Variants in DNAH1 observed in about 807,000 individuals in gnomAD.
The protein encoded by DNAH1 is dynein axonemal heavy chain 1.
Under a neutral mutation model 484.3 loss-of-function variants are expected in DNAH1, and 327 were observed. The observed-to-expected ratio is 0.68, with a 90% CI of 0.62 to 0.74. DNAH1 has a LOEUF of 0.74. Ranked by LOEUF, DNAH1 falls within the 30% of genes least tolerant of loss-of-function variation. DNAH1 has a pLI of 0.00. For synonymous variants in DNAH1, 2,192 were observed against 2,191.9 expected (o/e 1.00, Z 0.00); for missense variants, 5,052 against 5,546.8 (o/e 0.91, Z 2.83).
rs1472250735 is a variant in DNAH1 at position 52,375,401 on chromosome 3, G to T, written c.7147G>T (p.Gly2383Cys). The T allele has an allele frequency of 3.1e-6, 5 of 1,613,092 alleles. No homozygotes were observed. The Admixed American group carries it at 5.0e-5, about 16-fold the overall frequency. ...SKKRIFSTIL[G>C]NWLDGLLGEK... ...GAAACGCATCTTCTCCACCATCCTGGGCAACTGGTTGGGTGAGTATTGGTG... is the reference window on the plus strand; with the variant it reads ...GAAACGCATCTTCTCCACCATCCTGTGCAACTGGTTGGGTGAGTATTGGTG... The change falls in exon 45 of 78, where the codon GGC (glycine) becomes TGC (cysteine). Residue 2383 changes from glycine to cysteine, a missense_variant. Transcript: ENST00000420323.
chr3:52,322,396 G>C lies in DNAH1; in HGVS notation c.-34-13G>C. On this transcript the variant is annotated splice_polypyrimidine_tract_variant and intron_variant, in intron 1 of 77. Coordinates refer to ENST00000420323, the MANE Select transcript of DNAH1 (RefSeq NM_015512.5). Reference sequence around the variant, plus strand: ...GCTGGCAAGGGCTGACTGACGCTGGGTTCTTCTCCTAGGAGCTTCGGCTGG... The same window carrying C: ...GCTGGCAAGGGCTGACTGACGCTGGCTTCTTCTCCTAGGAGCTTCGGCTGG... The C allele has an allele frequency of 1.3e-6, 2 of 1,562,690 alleles. No individual in the cohort carries two copies. The highest frequency in any genetic ancestry group is 1.2e-5 in the South Asian group (1 of 84,278).
At chr3:52,398,340 G>A (rs1415451830) in intron 75 of DNAH1, among the ~76,000 whole-genome samples, 178 bp downstream of exon 75, 3 of 152,128 alleles carry the variant, frequency 2.0e-5, no homozygotes, top group Admixed American at 6.5e-5. Context: ...GGAGTGCAGC[G>A]GTATGATCTC....
At position 52,361,891 on chromosome 3, in the gene DNAH1, G is replaced by C; in HGVS notation, c.4980+125G>C. On this transcript the variant is annotated intron_variant, in intron 30 of 77. Coordinates refer to ENST00000420323, the MANE Select transcript of DNAH1 (RefSeq NM_015512.5). The surrounding 1 kb of genome is among the most constrained non-coding windows in gnomAD (Gnocchi z 5.6). ...CCTGGGTCCAGCCTCTCTTGTCCCG[G>C]GGGCACACCCTAACCCCAGTCTGTG... is the stretch of plus-strand genomic sequence containing the variant. 1 of 1,036,530 alleles carries C rather than the reference G, an allele frequency of 9.6e-7. No individual in the cohort carries two copies. Among genetic ancestry groups the C allele is most frequent in the Non-Finnish European group, 1.4e-6 (1 of 711,864 alleles). 64.2% of individuals were successfully genotyped at this position (1,036,530 alleles called of 1,614,324 possible).
chr3:52,354,965 C>T lies in DNAH1; in HGVS notation c.3603C>T (p.Ile1201=), dbSNP rs758643444. The T allele has an allele frequency of 4.0e-5, 65 of 1,613,898 alleles. No individual in the cohort carries two copies. The highest frequency in any genetic ancestry group is 5.4e-5 in the Non-Finnish European group (64 of 1,179,896). ...CCTCACAGCTGCTGGACGACCACATCGTCATGACCCAGAATATGTCATTTT... is the reference window on the plus strand; with the variant it reads ...CCTCACAGCTGCTGGACGACCACATTGTCATGACCCAGAATATGTCATTTT... ...DEASQLLDDH[I]VMTQNMSFSP... The change falls in exon 21 of 78, where the codon ATC becomes ATT. Residue 1201 remains isoleucine (I), a synonymous_variant. Transcript: ENST00000420323.
intron 5 of DNAH1, 146 bp downstream of exon 5, chr3:52,327,037 C>T (rs1701371993): frequency 8.6e-7 from 1 of 1,167,156 alleles, no homozygotes; most frequent in Non-Finnish European, 1.2e-6. Flanking sequence ...AATAGGAACC[C>T]ATCCCAGGTA....
chr3:52,315,918 C>T (rs1234132641), upstream of DNAH1, among the ~76,000 whole-genome samples: 5 of 152,240 alleles, frequency 3.3e-5, no homozygotes, highest in East Asian at 9.6e-4. Context: ...TATCCACAGC[C>T]CGCCCTTGAA....
rs778202369 is a variant in DNAH1 at position 52,344,475 on chromosome 3, C to T, written c.1287-15C>T. Reference sequence around the variant, plus strand: ...TGGAGCCCCTGATTCCCCCATCTCCCATCTCTATGGGCAGGGTTCTAGAGC... The same window carrying T: ...TGGAGCCCCTGATTCCCCCATCTCCTATCTCTATGGGCAGGGTTCTAGAGC... On this transcript the variant is annotated splice_polypyrimidine_tract_variant and intron_variant, in intron 8 of 77. Coordinates refer to ENST00000420323, the MANE Select transcript of DNAH1 (RefSeq NM_015512.5). 16 of 1,610,374 alleles carry T rather than the reference C, an allele frequency of 9.9e-6. No individual in the cohort carries two copies. The East Asian group carries it at 1.6e-4, about 16-fold the overall frequency.
intron 21 of DNAH1, 117 bp from the exon 22 acceptor site, chr3:52,356,494 TTGG>T: frequency 1.0e-6 from 1 of 953,302 alleles, no homozygotes; most frequent in Non-Finnish European, 1.6e-6. Context: ...GACACTGGCT[TTGG>T]TGTCCAGTGC....
chr3:52,337,837 G>A (rs935052238), intron 8 of DNAH1, among the ~76,000 whole-genome samples: 4 of 152,044 alleles, frequency 2.6e-5, no homozygotes, highest in Non-Finnish European at 5.9e-5. Flanking sequence ...TGTCACCCAC[G>A]CCACAGTGCA....
chr3:52,370,274 C>A, intron 39 of DNAH1, 45 bp downstream of exon 39: 1 of 1,599,410 alleles, frequency 6.3e-7, no homozygotes, highest in African/African-American at 1.3e-5. Context: ...TCCCTCTCCC[C>A]ACACTGCTCT....
At chr3:52,385,001 G>A in intron 53 of DNAH1, 24 bp downstream of exon 53, 1 of 1,600,126 alleles carries the variant, frequency 6.2e-7, no homozygotes, top group Non-Finnish European at 8.5e-7. Flanking sequence ...AGTCCCCGTG[G>A]ACAAGGTCAG....
At position 52,355,727 on chromosome 3, in the gene DNAH1, T is replaced by C. The variant is rs1009529589; in HGVS notation, c.3693+672T>C. Among the ~76,000 whole-genome samples, 1 of 152,216 alleles carries C rather than the reference T, an allele frequency of 6.6e-6. No homozygotes were observed. On this transcript the variant is annotated intron_variant, in intron 21 of 77. Transcript: ENST00000420323. This position sits in a 1 kb window ranked among gnomAD's most constrained non-coding sequence, Gnocchi z 4.5. The stretch of plus-strand genomic sequence containing the variant: ...CAGAGATGCCTGAGCTGGTCAGCAC[T>C]ATCCCCAGTCCCCCTCTGCTCACGC...
In DNAH1 at chr3:52,392,533, C is replaced by T. The variant is rs1427447014; in HGVS notation, c.10122C>T (p.Asn3374=). Residue 3374 remains asparagine, a synonymous_variant, in exon 64 of 78, where the codon AAC becomes AAT. Transcript: ENST00000420323. ...EERPDLEEAK[N]QLIISNAKMR... ...GACCCGACCTGGAGGAGGCCAAGAA[C>T]CAGCTGATTATCAGTAATGCCAAGA... The T allele has an allele frequency of 1.2e-6, 2 of 1,613,960 alleles. No individual in the cohort carries two copies. Among genetic ancestry groups the T allele is most frequent in the Admixed American group, 1.7e-5 (1 of 60,018 alleles).
At position 52,395,028 on chromosome 3, in the gene DNAH1, C is replaced by A; in HGVS notation, c.10937C>A (p.Thr3646Asn). 6.2e-7 allele frequency: 1 copy of A among 1,610,890 alleles called. No homozygotes were observed. Among genetic ancestry groups the A allele is most frequent in the Non-Finnish European group, 8.5e-7 (1 of 1,178,636 alleles). ...VTNAMQDFVA[T>N]NLEPRFIEPQ... ...AACGCCATGCAGGACTTTGTGGCCA[C>A]CAACCTGGAGCCACGCTTCATTGAA... The change falls in exon 68 of 78, where the codon ACC becomes AAC. Residue 3646 changes from threonine to asparagine, a missense_variant. Thr to Asn is a moderately conservative substitution (Grantham distance 65, BLOSUM62 0). Around this residue, in one of 4 missense-constraint regions of DNAH1, gnomAD observed 853 missense variants for 899.0 expected, o/e 0.95. Transcript: ENST00000420323. This position sits in a 1 kb window ranked among gnomAD's most constrained non-coding sequence, Gnocchi z 4.4.
chr3:52,345,628 G>T lies in DNAH1; in HGVS notation c.1578G>T (p.Met526Ile), dbSNP rs528305130. The T allele has an allele frequency of 6.2e-7, 1 of 1,610,752 alleles. No homozygotes were observed. Among genetic ancestry groups the T allele is most frequent in the Admixed American group, 1.7e-5 (1 of 59,548 alleles). The change falls in exon 10 of 78, where the codon ATG becomes ATT. Residue 526 changes from methionine (M) to isoleucine (I), a missense_variant. By Grantham distance (10) the Met-to-Ile change is conservative (BLOSUM62 1). Transcript: ENST00000420323. The part of the protein sequence containing the change: ...VRAECNKVTA[M>I]SLFHSSLSKY... ...CCGAGTGCAACAAGGTGACCGCCAT[G>T]TCCCTGTTCCACTCGAGCCTCTCCA... is the stretch of plus-strand genomic sequence containing the variant.
At chr3:52,385,481 G>A in intron 54 of DNAH1, 34 bp downstream of exon 54, 1 of 1,532,154 alleles carries the variant, frequency 6.5e-7, no homozygotes, top group Non-Finnish European at 8.9e-7. Context: ...CCCAATGCCT[G>A]ACTCTGAGGA....
At chr3:52,357,547 G>A (rs1702663531) in intron 22 of DNAH1, 67 bp from the exon 23 acceptor site, 18 of 1,553,074 alleles carry the variant, frequency 1.2e-5, no homozygotes, top group South Asian at 1.2e-5. Context: ...GGTGCTCTGG[G>A]ATGAGCCTAT....
chr3:52,397,250 ACTC>A (rs982921436), intron 73 of DNAH1, among the ~76,000 whole-genome samples: 3 of 151,790 alleles, frequency 2.0e-5, no homozygotes, highest in Non-Finnish European at 4.4e-5. Context: ...CTGTGAGTGA[ACTC>A]CTGGTCAGCC....
rs770952001 is a variant in DNAH1, at chr3:52,326,142, G to A, written c.409G>A (p.Gly137Arg). 2.3e-5 allele frequency: 37 copies of A among 1,594,710 alleles called. No homozygotes were observed. Among genetic ancestry groups the A allele is most frequent in the East Asian group, 1.8e-4 (8 of 44,138 alleles). The stretch of plus-strand genomic sequence containing the variant: ...CCTGCCCCTGCTTCTACCTGCAGTC[G>A]GAAGCTTTGAGGTTCCTGAAGACTT... ...ADLDKFTPRV[G>R]SFEVPEDFQE... The change falls in exon 4 of 78, where the codon GGA becomes AGA. Residue 137 changes from glycine to arginine, a missense_variant and splice_region_variant. Gly to Arg is a moderately radical substitution (Grantham distance 125). Transcript: ENST00000420323.
Sources: allele counts gnomAD v4.1 joint callset (sites outside exome capture counted in the v4.1 genomes callset), GRCh38; gene constraint gnomAD v4.1.1; regional missense constraint gnomAD v4.1.1; non-coding constraint Gnocchi (gnomAD v3.1); transcripts MANE v1.5; gene names NCBI Gene and HGNC (gene_info 2026-07-23, HGNC 2026-07-21).